Variants in SGMS1 observed in about 807,000 individuals in gnomAD.
SGMS1 encodes sphingomyelin synthase 1, also known as phosphatidylcholine:ceramide cholinephosphotransferase 1.
Under a neutral mutation model 46.2 loss-of-function variants are expected in SGMS1, and 13 were observed. The observed-to-expected ratio is 0.28, with a 90% CI of 0.18 to 0.45. SGMS1 has a LOEUF of 0.45. Among genes scored for constraint, SGMS1 ranks in the 20% least tolerant of loss-of-function variants. The pLI is 1.00. For synonymous variants in SGMS1, 203 were observed against 187.8 expected, an observed-to-expected ratio of 1.08 and a Z score of -0.66; for missense variants, 324 against 519.9, an observed-to-expected ratio of 0.62 and a Z score of 3.66.
chr10:50,508,644 G>A (rs1281842465), intron 3 of SGMS1, among the ~76,000 whole-genome samples: 1 of 152,158 alleles, frequency 6.6e-6, no homozygotes, highest in African/African-American at 2.4e-5. Flanking sequence ...TGTGGCAGGT[G>A]GTTGGAAAGA....
intron 2 of SGMS1, among the ~76,000 whole-genome samples, chr10:50,557,839 T>C (rs1428987852): frequency 6.6e-6 from 1 of 152,146 alleles, no homozygotes; most frequent in Non-Finnish European, 1.5e-5. Context: ...AAGGCTACTA[T>C]ACAAACAAGA....
intron 7 of SGMS1, among the ~76,000 whole-genome samples, chr10:50,331,098 AG>A (rs1847617117): frequency 6.6e-6 from 1 of 152,224 alleles, no homozygotes; most frequent in African/African-American, 2.4e-5. Flanking sequence ...TTAATATATA[AG>A]GTTGAAAAAT....
intron 6 of SGMS1, among the ~76,000 whole-genome samples, chr10:50,391,979 A>G (rs1303633230): frequency 6.6e-6 from 1 of 152,116 alleles, no homozygotes; most frequent in Non-Finnish European, 1.5e-5. Context: ...GAAGCTAAAC[A>G]CTGAGTACAC....
chr10:50,438,224 A>T (rs1020696695), intron 5 of SGMS1, among the ~76,000 whole-genome samples: 1 of 152,194 alleles, frequency 6.6e-6, no homozygotes, highest in Non-Finnish European at 1.5e-5. Context: ...CCCTTTCAGG[A>T]CAGGTTCTGT....
At chr10:50,461,155 C>A (rs1208492059) in intron 4 of SGMS1, among the ~76,000 whole-genome samples, 1 of 152,024 alleles carries the variant, frequency 6.6e-6, no homozygotes. Flanking sequence ...TAGTTGCCAA[C>A]AAATAACTGA....
At chr10:50,510,610 G>GGT (rs71457575) in intron 3 of SGMS1, among the ~76,000 whole-genome samples, 1 of 149,080 alleles carries the variant, frequency 6.7e-6, no homozygotes, top group Non-Finnish European at 1.5e-5. Flanking sequence ...GTATCTCTGT[G>GGT]TTTTTTTTTT....
intron 3 of SGMS1, among the ~76,000 whole-genome samples, chr10:50,477,768 CT>C (rs1837440605): frequency 6.6e-6 from 1 of 152,056 alleles, no homozygotes; most frequent in Non-Finnish European, 1.5e-5. Context: ...TGTGTAGTAC[CT>C]CCTCCCACTC....
intron 3 of SGMS1, among the ~76,000 whole-genome samples, chr10:50,518,662 G>A (rs965303243): frequency 6.3e-4 from 96 of 152,024 alleles, no homozygotes; most frequent in African/African-American, 2.2e-3. Context: ...TAGGTGATCT[G>A]CCTGCCTCAG....
At chr10:50,378,545 A>C (rs969518299) in intron 6 of SGMS1, among the ~76,000 whole-genome samples, 1 of 152,226 alleles carries the variant, frequency 6.6e-6, no homozygotes, top group Non-Finnish European at 1.5e-5. Flanking sequence ...GTAAAATTTA[A>C]AATGTTTTCA....
chr10:50,532,659 A>T (rs1474942120), intron 2 of SGMS1, among the ~76,000 whole-genome samples: 1 of 152,192 alleles, frequency 6.6e-6, no homozygotes, highest in African/African-American at 2.4e-5. Context: ...CATCAAGTCA[A>T]ATTATTTTTC....
chr10:50,403,297 A>G (rs1188365376), intron 6 of SGMS1, among the ~76,000 whole-genome samples: 1 of 152,184 alleles, frequency 6.6e-6, no homozygotes, highest in Non-Finnish European at 1.5e-5. Flanking sequence ...CGCATGTTCA[A>G]TGTTCCATAA....
chr10:50,624,563 A>G, upstream of SGMS1: 1 of 984,180 alleles, frequency 1.0e-6, no homozygotes, highest in South Asian at 4.7e-5. Context: ...CGCGAGGTGA[A>G]AACTCCGACT....
chr10:50,586,876 G>A (rs1838489263), intron 2 of SGMS1, among the ~76,000 whole-genome samples: 1 of 152,180 alleles, frequency 6.6e-6, no homozygotes, highest in South Asian at 2.1e-4. Flanking sequence ...TGCCCCAGAT[G>A]GGTAAACCCA....
At chr10:50,575,781 A>ATT (rs1299172881) in intron 2 of SGMS1, among the ~76,000 whole-genome samples, 10 of 152,210 alleles carry the variant, frequency 6.6e-5, no homozygotes. Flanking sequence ...CAATAAGGCT[A>ATT]GGGAAAAAAC....
chr10:50,539,265 C>G (rs951758747), intron 2 of SGMS1, among the ~76,000 whole-genome samples: 1 of 152,230 alleles, frequency 6.6e-6, no homozygotes. Context: ...CCATTGTTCC[C>G]GGAAGGCCAG....
intron 2 of SGMS1, among the ~76,000 whole-genome samples, chr10:50,582,285 G>A (rs1455261861): frequency 3.9e-5 from 6 of 152,064 alleles, no homozygotes; most frequent in African/African-American, 1.4e-4. Flanking sequence ...TAGATGTCTG[G>A]GCCATACCAA....
chr10:50,341,262 C>T lies in SGMS1; in HGVS notation c.623+2230G>A, dbSNP rs566190151. 44 of 452,584 alleles carry T rather than the reference C, an allele frequency of 9.7e-5. No homozygotes were observed. In the East Asian group the frequency reaches 2.8e-3, roughly 29 times the overall value. The allele number at this position is 452,584 out of a possible 1,614,324, so 28.0% of individuals were successfully genotyped here. ...AAAGGTAGTTTATCCATCTTCACTG[C>T]TTGATGTGTCATCTGTATCTTTCTT... On this transcript the variant is annotated intron_variant, in intron 7 of 10. Coordinates refer to ENST00000361781, the MANE Select transcript of SGMS1 (RefSeq NM_147156.4).
chr10:50,578,008 T>G (rs919653749), intron 2 of SGMS1, among the ~76,000 whole-genome samples: 1 of 152,224 alleles, frequency 6.6e-6, no homozygotes, highest in Non-Finnish European at 1.5e-5. Context: ...AGAGGATACA[T>G]GTAACGTTCA....
At chr10:50,624,519 TG>T, upstream of SGMS1, 1 of 902,286 alleles carries the variant, frequency 1.1e-6, no homozygotes, top group Non-Finnish European at 1.3e-6. Flanking sequence ...TGGCGACGCC[TG>T]GGAGCGCGAC....
Sources: gnomAD v4.1 joint callset for allele counts (sites outside exome capture counted in the v4.1 genomes callset) on GRCh38, gnomAD v4.1.1 for gene constraint, MANE v1.5 for transcripts, NCBI Gene and HGNC (gene_info 2026-07-23, HGNC 2026-07-21) for gene names.